Variants in ADGRV1 observed in about 807,000 individuals in gnomAD.
ADGRV1 encodes adhesion G protein-coupled receptor V1, also known as G-protein coupled receptor 98.
A neutral mutation model predicts 596.2 loss-of-function variants in ADGRV1; 359 were observed. The ratio of observed to expected loss-of-function variants is 0.60; its 90% CI spans 0.55 to 0.66. ADGRV1 has a LOEUF of 0.66. Among genes scored for constraint, ADGRV1 ranks in the 30% least tolerant of loss-of-function variants. The pLI, the probability that ADGRV1 is intolerant of heterozygous loss-of-function variation, is 0.00. For missense variants in ADGRV1, 7,274 were observed against 7,575.6 expected, an observed-to-expected ratio of 0.96 and a Z score of 1.48; for synonymous variants, 2,681 against 2,679.2, an observed-to-expected ratio of 1.00 and a Z score of -0.02.
intron 43 of ADGRV1, among the ~76,000 whole-genome samples, chr5:90,719,644 G>A (rs1379561085): frequency 2.0e-5 from 3 of 152,076 alleles, no homozygotes; most frequent in Non-Finnish European, 4.4e-5. Flanking sequence ...TTCTCCCACT[G>A]ATGAACGTTC....
At chr5:90,671,826 G>A (rs1013894055) in intron 21 of ADGRV1, among the ~76,000 whole-genome samples, 10 of 152,126 alleles carry the variant, frequency 6.6e-5, no homozygotes, top group African/African-American at 2.4e-4. Context: ...TGATATTCCA[G>A]CTGCTTCCAC....
Position 91,072,622 on chromosome 5 carries a change from T to C in ADGRV1, c.18310+18T>C, listed in dbSNP as rs1377846880. The stretch of plus-strand genomic sequence containing the variant: ...TGCTGCAGGTTTGAAAGGAACTATA[T>C]TTGTACTTTGGAGATGGAAACGCTT... On this transcript the variant is annotated intron_variant, in intron 86 of 89. Coordinates refer to ENST00000405460, the MANE Select transcript of ADGRV1 (RefSeq NM_032119.4). The C allele has an allele frequency of 6.2e-7, 1 of 1,603,626 alleles. No homozygotes were observed. The highest frequency in any genetic ancestry group is 2.2e-5 in the East Asian group (1 of 44,748).
At chr5:91,023,182 G>A (rs746337480) in intron 85 of ADGRV1, among the ~76,000 whole-genome samples, 2 of 152,092 alleles carry the variant, frequency 1.3e-5, no homozygotes, top group Non-Finnish European at 2.9e-5. Flanking sequence ...AATTTTTACA[G>A]TTAATAAAGC....
At position 90,810,310 on chromosome 5, in the gene ADGRV1, C is replaced by T. The variant is rs779668467; in HGVS notation, c.15050C>T (p.Ser5017Leu). 6.2e-7 allele frequency: 1 copy of T among 1,609,354 alleles called. No homozygotes were observed. Among genetic ancestry groups the T allele is most frequent in the Non-Finnish European group, 8.5e-7 (1 of 1,177,562 alleles). ...FSTSSRNIIV[S>L]EDTQMIRLHV... is the part of the protein sequence containing the mutation. ...ACTAGCTCAAGAAATATCATAGTGT[C>T]AGAAGATACACAGATGATCAGATTA... is the stretch of plus-strand genomic sequence containing the variant. The change falls in exon 74 of 90, where the codon TCA (serine) becomes TTA (leucine). Residue 5017 changes from serine to leucine, a missense_variant. Around this residue, in one of 5 missense-constraint regions of ADGRV1, gnomAD observed 1,874 missense variants for 1,970.2 expected, o/e 0.95. Coordinates refer to ENST00000405460, the MANE Select transcript of ADGRV1 (RefSeq NM_032119.4).
intron 85 of ADGRV1, among the ~76,000 whole-genome samples, chr5:91,037,619 C>T (rs949923025): frequency 6.6e-6 from 1 of 152,096 alleles, no homozygotes; most frequent in Non-Finnish European, 1.5e-5. Flanking sequence ...TAGTGACAGG[C>T]TTTAAACAGA....
Position 90,716,694 on chromosome 5 carries a change from G to GGCTATATTGTTT in ADGRV1, c.9413_9424dup (p.Val3141_Leu3142insCysTyrIleVal). ...ATCTAAAGATCTGACTCCTTCCAAA[G>GGCTATATTGTTT]GCTATATTGTTTTAGAAGAAGGTGT... On this transcript the variant is annotated inframe_insertion, in exon 43 of 90. Transcript: ENST00000405460. The GGCTATATTGTTT allele has an allele frequency of 6.2e-7, 1 of 1,612,900 alleles. No homozygotes were observed. Among genetic ancestry groups the GGCTATATTGTTT allele is most frequent in the Non-Finnish European group, 8.5e-7 (1 of 1,178,970 alleles).
chr5:90,623,499 C>A (rs1055243457), intron 5 of ADGRV1, among the ~76,000 whole-genome samples: 13 of 152,094 alleles, frequency 8.5e-5, no homozygotes, highest in Non-Finnish European at 1.5e-4. Flanking sequence ...GCAGCCTCAA[C>A]CTCCTGGGCT....
Position 90,694,519 on chromosome 5 carries a change from A to G in ADGRV1, c.7763A>G (p.Asn2588Ser), listed in dbSNP as rs746026845. 4 of 1,613,920 alleles carry G rather than the reference A, an allele frequency of 2.5e-6. No individual in the cohort carries two copies. Among genetic ancestry groups the G allele is most frequent in the South Asian group, 2.2e-5 (2 of 91,088 alleles). Residue 2588 changes from asparagine to serine, a missense_variant, in exon 33 of 90, where the codon AAT becomes AGT. Coordinates refer to ENST00000405460, the MANE Select transcript of ADGRV1 (RefSeq NM_032119.4). ...TTTGTGATCTACAATATTAGTCCCAATACTTCCGAAGATGGCTTATTTGTT... is the reference window on the plus strand; with the variant it reads ...TTTGTGATCTACAATATTAGTCCCAGTACTTCCGAAGATGGCTTATTTGTT... ...GVFVIYNISPNTSEDGLFVEV... is the reference protein window; with the variant it reads ...GVFVIYNISPSTSEDGLFVEV...
intron 87 of ADGRV1, among the ~76,000 whole-genome samples, chr5:91,115,941 C>T (rs1792812940): frequency 8.5e-6 from 1 of 117,860 alleles, no homozygotes; most frequent in South Asian, 2.9e-4. Flanking sequence ...AGTGAGCTTC[C>T]ATCTAAAACA....
At chr5:90,595,175 C>A (rs1207393277) in intron 1 of ADGRV1, among the ~76,000 whole-genome samples, 1 of 91,420 alleles carries the variant, frequency 1.1e-5, no homozygotes, top group Non-Finnish European at 2.3e-5. Context: ...GACCCCCCCA[C>A]CTCCCTCCCG....
At chr5:90,980,397 A>G (rs1321785291) in intron 84 of ADGRV1, among the ~76,000 whole-genome samples, 1 of 152,202 alleles carries the variant, frequency 6.6e-6, no homozygotes, top group African/African-American at 2.4e-5. Flanking sequence ...AATGACCTTA[A>G]TGCTAGGAAA....
chr5:91,127,059 C>T (rs1230911389), intron 87 of ADGRV1, among the ~76,000 whole-genome samples: 2 of 152,280 alleles, frequency 1.3e-5, no homozygotes, highest in Admixed American at 6.5e-5. Context: ...TTCCCAACAA[C>T]CTGAACAAAG....
intron 43 of ADGRV1, among the ~76,000 whole-genome samples, chr5:90,718,850 T>A (rs2149759385): frequency 6.6e-6 from 1 of 151,492 alleles, no homozygotes; most frequent in African/African-American, 2.4e-5. Flanking sequence ...AGCTATATAC[T>A]TTTCTTTTTA....
At chr5:90,881,740 A>C (rs993807165) in intron 83 of ADGRV1, among the ~76,000 whole-genome samples, 2 of 152,182 alleles carry the variant, frequency 1.3e-5, no homozygotes, top group African/African-American at 4.8e-5. Context: ...ACTTTAAAAA[A>C]AAAATACAAG....
intron 84 of ADGRV1, 78 bp downstream of exon 84, chr5:90,965,609 CTG>C: frequency 1.3e-6 from 1 of 753,306 alleles, no homozygotes; most frequent in Non-Finnish European, 2.2e-6. Context: ...GTCTGATACT[CTG>C]TACTGAAGTA....
chr5:91,135,021 G>C (rs1310331631), intron 87 of ADGRV1, among the ~76,000 whole-genome samples: 1 of 151,686 alleles, frequency 6.6e-6, no homozygotes, highest in Non-Finnish European at 1.5e-5. Context: ...GTCTCTACAA[G>C]AAAAACAAAA....
chr5:91,111,464 C>G (rs891611203), intron 87 of ADGRV1, among the ~76,000 whole-genome samples: 1 of 152,138 alleles, frequency 6.6e-6, no homozygotes, highest in Non-Finnish European at 1.5e-5. Context: ...AATAATCCCC[C>G]TTCAATTCCC....
chr5:90,705,356 A>G, intron 36 of ADGRV1, 44 bp from the exon 37 acceptor site: 1 of 1,550,334 alleles, frequency 6.5e-7, no homozygotes. Context: ...AGCGATTAAA[A>G]GCTAATGCCA....
chr5:91,012,993 C>T (rs976732882), intron 85 of ADGRV1, among the ~76,000 whole-genome samples: 12 of 151,948 alleles, frequency 7.9e-5, no homozygotes, highest in African/African-American at 1.2e-4. Context: ...TCTCTTCTTG[C>T]GTTAGTTTGC....
Sources: gnomAD v4.1 joint callset for allele counts (sites outside exome capture counted in the v4.1 genomes callset) on GRCh38, gnomAD v4.1.1 for gene constraint, gnomAD v4.1.1 regional missense constraint, MANE v1.5 for transcripts, NCBI Gene and HGNC (gene_info 2026-07-23, HGNC 2026-07-21) for gene names.